DCC: variants seen among roughly 807,000 people sequenced by gnomAD.
The protein encoded by DCC is DCC netrin 1 receptor, also known as netrin receptor DCC.
DCC carries 58 observed loss-of-function variants against 172.5 expected under a neutral mutation model. That is an observed-to-expected ratio of 0.34 (90% CI 0.27 to 0.42). The LOEUF is 0.42. Among genes scored for constraint, DCC ranks in the 10% least tolerant of loss-of-function variants. The probability of loss-of-function intolerance (pLI) is 1.00; values close to 1 mark genes in which losing one functional copy is unlikely to be tolerated. For synonymous variants in DCC, 709 were observed against 644.5 expected (o/e 1.10, Z -1.52); for missense variants, 1,740 against 1,791.0 (o/e 0.97, Z 0.51).
At chr18:53,416,026 A>G (rs1910292075) in intron 20 of DCC, 98 bp from the exon 21 acceptor site, 1 of 866,844 alleles carries the variant, frequency 1.2e-6, no homozygotes. Flanking sequence ...ACTAGCTTTG[A>G]AATAAAAACT....
chr18:52,590,830 G>A (rs1484297849), intron 1 of DCC, among the ~76,000 whole-genome samples: 1 of 152,120 alleles, frequency 6.6e-6, no homozygotes. Context: ...TACCATCTCT[G>A]GGTGACCAAA....
At chr18:52,875,408 A>G (rs905121855) in intron 2 of DCC, among the ~76,000 whole-genome samples, 3 of 152,178 alleles carry the variant, frequency 2.0e-5, no homozygotes, top group African/African-American at 7.2e-5. Flanking sequence ...TAGCATTACA[A>G]TCTGTCTGTC....
At chr18:53,311,849 A>C (rs2057272417) in intron 13 of DCC, among the ~76,000 whole-genome samples, 1 of 152,232 alleles carries the variant, frequency 6.6e-6, no homozygotes, top group Non-Finnish European at 1.5e-5. Context: ...ATGAAAATTC[A>C]AACCTAATAC....
intron 3 of DCC, among the ~76,000 whole-genome samples, chr18:52,918,729 C>T (rs2040076229): frequency 6.6e-6 from 1 of 152,080 alleles, no homozygotes. Flanking sequence ...CTCTAAAACT[C>T]ATATTGTAAA....
intron 1 of DCC, among the ~76,000 whole-genome samples, chr18:52,734,514 A>C (rs2036694064): frequency 6.6e-6 from 1 of 152,116 alleles, no homozygotes; most frequent in African/African-American, 2.4e-5. Flanking sequence ...TACTGACTCT[A>C]TATATAGGAG....
rs1568298492 is a variant in DCC, at chr18:53,090,732, A to AAAAT, written c.1261+24568_1261+24569insATAA. Among the ~76,000 whole-genome samples, 15 of 129,076 alleles carry AAAAT rather than the reference A, an allele frequency of 1.2e-4. 1 individual carries two copies. The highest frequency in any genetic ancestry group is 1.7e-4 in the Non-Finnish European group (10 of 59,924). The allele number at this position is 129,076 out of a possible 152,430, so 84.7% of individuals were successfully genotyped here. On this transcript the variant is annotated intron_variant, in intron 7 of 28. Coordinates refer to ENST00000442544, the MANE Select transcript of DCC (RefSeq NM_005215.4). The stretch of plus-strand genomic sequence containing the variant: ...AAAAAAAAAAAAAAAAAAAAAAAAA[A>AAAAT]AAGAATGTATCGTGTTTCTTGATGC...
At chr18:53,232,946 TC>T (rs34136774) in intron 12 of DCC, among the ~76,000 whole-genome samples, 46,302 of 141,618 alleles carry the variant, frequency 0.33, 8,651 homozygotes, top group East Asian at 0.59. Context: ...TTTTTTTTTT[TC>T]CCCAGGTATT....
At chr18:52,671,748 C>T (rs2035557824) in intron 1 of DCC, among the ~76,000 whole-genome samples, 1 of 151,842 alleles carries the variant, frequency 6.6e-6, no homozygotes, top group African/African-American at 2.4e-5. Flanking sequence ...GTTGGCCAGG[C>T]TGGTCTCGAA....
At chr18:53,130,849 GTAT>G (rs2043640736) in intron 7 of DCC, among the ~76,000 whole-genome samples, 1 of 151,934 alleles carries the variant, frequency 6.6e-6, no homozygotes, top group Non-Finnish European at 1.5e-5. Flanking sequence ...TTCCTGAAAT[GTAT>G]TGTTTTTTTC....
At chr18:52,772,295 G>A (rs1490576601) in intron 2 of DCC, among the ~76,000 whole-genome samples, 1 of 152,150 alleles carries the variant, frequency 6.6e-6, no homozygotes, top group East Asian at 1.9e-4. Flanking sequence ...AGTAAACCAT[G>A]GATATCAAGA....
intron 2 of DCC, among the ~76,000 whole-genome samples, chr18:52,755,960 G>T (rs2037070058): frequency 6.6e-6 from 1 of 152,168 alleles, no homozygotes; most frequent in Non-Finnish European, 1.5e-5. Context: ...CTTGGCTGGA[G>T]AGGGAAGGAA....
At chr18:53,451,723 C>T (rs1261887149) in intron 23 of DCC, among the ~76,000 whole-genome samples, 2 of 151,964 alleles carry the variant, frequency 1.3e-5, no homozygotes, top group Non-Finnish European at 1.5e-5. Flanking sequence ...CTCTCTCTCT[C>T]TCTCTCTCTC....
At chr18:53,109,816 A>T (rs1156719464) in intron 7 of DCC, among the ~76,000 whole-genome samples, 1 of 151,594 alleles carries the variant, frequency 6.6e-6, no homozygotes, top group Non-Finnish European at 1.5e-5. Flanking sequence ...GTAGTTCTCA[A>T]TGGAAAGGTG....
At chr18:53,529,469 T>C (rs1325411604) in intron 28 of DCC, among the ~76,000 whole-genome samples, 1 of 152,194 alleles carries the variant, frequency 6.6e-6, no homozygotes, top group African/African-American at 2.4e-5. Context: ...AGAACATCTG[T>C]ATAAGTCAAC....
chr18:52,481,210 A>G (rs2029945227), intron 1 of DCC, among the ~76,000 whole-genome samples: 2 of 152,164 alleles, frequency 1.3e-5, no homozygotes, highest in East Asian at 1.9e-4. Flanking sequence ...TATTGGTTCA[A>G]CCCATGGGAG....
intron 2 of DCC, among the ~76,000 whole-genome samples, chr18:52,760,945 C>T (rs1385804314): frequency 6.6e-6 from 1 of 152,078 alleles, no homozygotes; most frequent in East Asian, 1.9e-4. Context: ...AACACAATTA[C>T]TTATCTCCCT....
chr18:53,079,336 G>C (rs925964056), intron 7 of DCC, among the ~76,000 whole-genome samples: 1 of 151,844 alleles, frequency 6.6e-6, no homozygotes, highest in Non-Finnish European at 1.5e-5. Context: ...GAGGCTTTGA[G>C]CCCAATTTTG....
chr18:53,140,456 C>T (rs78207852), intron 7 of DCC, among the ~76,000 whole-genome samples: 1 of 152,124 alleles, frequency 6.6e-6, no homozygotes, highest in Non-Finnish European at 1.5e-5. Flanking sequence ...GAGAATATTG[C>T]AGGTGTCTTC....
At chr18:53,094,267 T>C (rs2043052937) in intron 7 of DCC, among the ~76,000 whole-genome samples, 2 of 152,308 alleles carry the variant, frequency 1.3e-5, no homozygotes, top group African/African-American at 4.8e-5. Flanking sequence ...GTAGAAGATA[T>C]GTACAGACAG....
Sources: gnomAD v4.1 joint callset for allele counts (sites outside exome capture counted in the v4.1 genomes callset) on GRCh38, gnomAD v4.1.1 for gene constraint, MANE v1.5 for transcripts, NCBI Gene and HGNC (gene_info 2026-07-23, HGNC 2026-07-21) for gene names.